DNAJC16: variants seen among roughly 807,000 people sequenced by gnomAD.
The protein encoded by DNAJC16 is DnaJ heat shock protein family (Hsp40) member C16, also known as dnaJ homolog subfamily C member 16.
Under a neutral mutation model 92.7 loss-of-function variants are expected in DNAJC16, and 76 were observed. That is an observed-to-expected ratio of 0.82 (90% CI 0.68 to 0.99). DNAJC16 has a LOEUF of 0.99. Ranked by LOEUF, DNAJC16 falls within the 50% of genes least tolerant of loss-of-function variation. The pLI, the probability that DNAJC16 is intolerant of heterozygous loss-of-function variation, is 0.00. For synonymous variants in DNAJC16, 328 were observed against 358.7 expected (o/e 0.91, Z 0.97); for missense variants, 869 against 942.4 (o/e 0.92, Z 1.02).
At chr1:15,563,860 A>AAAAG (rs58397417) in intron 9 of DNAJC16, 69 bp from the exon 10 acceptor site, 238,686 of 1,392,020 alleles carry the variant, frequency 0.17, 11,241 homozygotes, top group African/African-American at 0.4. Context: ...AAAAAAAAAA[A>AAAAG]AAAGCAAACA....
intron 9 of DNAJC16, among the ~76,000 whole-genome samples, chr1:15,563,511 A>G (rs1014821509): frequency 6.6e-6 from 1 of 151,014 alleles, no homozygotes; most frequent in Non-Finnish European, 1.5e-5. Context: ...CCTGGGAGAC[A>G]AGGGCGAAAC....
intron 11 of DNAJC16, 41 bp downstream of exon 11, chr1:15,564,400 T>C: frequency 8.2e-7 from 1 of 1,212,920 alleles, no homozygotes; most frequent in Non-Finnish European, 1.2e-6. Flanking sequence ...TCTCTGTTAA[T>C]ACTGATATCA....
chr1:15,559,389 A>G (rs1264625230), intron 7 of DNAJC16, 137 bp from the exon 8 acceptor site: 15 of 1,161,406 alleles, frequency 1.3e-5, no homozygotes, highest in Admixed American at 1.1e-4. Context: ...TATTCGCTCA[A>G]ACAGGTCTGT....
rs765366404 is a variant in DNAJC16 at position 15,536,571 on chromosome 1, C to G, written c.331C>G (p.Arg111Gly). The change falls in exon 4 of 15, where the codon CGC (arginine) becomes GGC (glycine). Residue 111 changes from arginine (R) to glycine (G), a missense_variant. Arg to Gly is a moderately radical substitution (Grantham distance 125). Transcript: ENST00000375847. ...YQKQQQQREY[R>G]FRHFHENFYF... ...GAAGCAGCAACAGCAGCGAGAGTAT[C>G]GCTTCCGCCATTTCCATGAAAATTT... 1 of 1,614,056 alleles carries G rather than the reference C, an allele frequency of 6.2e-7. No individual in the cohort carries two copies. The highest frequency in any genetic ancestry group is 8.5e-7 in the Non-Finnish European group (1 of 1,180,040).
In DNAJC16 at chr1:15,544,394, T is replaced by C. The variant is rs1638235700; in HGVS notation, c.575-5T>C. On this transcript the variant is annotated splice_polypyrimidine_tract_variant and splice_region_variant and intron_variant, in intron 4 of 14. Transcript: ENST00000375847. ...GGCTTCATTTGGATCTTCCATTCTT[T>C]TCAGGTGTAGGAATTGGCGTGGTCC... 2.5e-6 allele frequency: 4 copies of C among 1,604,362 alleles called. No individual in the cohort carries two copies. The African/African-American group carries it at 5.4e-5, about 21-fold the overall frequency.
intron 7 of DNAJC16, among the ~76,000 whole-genome samples, chr1:15,553,059 C>T (rs1422629189): frequency 2.6e-5 from 4 of 151,762 alleles, no homozygotes; most frequent in South Asian, 2.1e-4. Flanking sequence ...TGTGAGCCAC[C>T]GCGCCCGGCC....
chr1:15,546,468 G>T (rs1450321515), intron 5 of DNAJC16, among the ~76,000 whole-genome samples: 1 of 152,178 alleles, frequency 6.6e-6, no homozygotes, highest in Non-Finnish European at 1.5e-5. Context: ...AGTATATTAA[G>T]AAGTATACTC....
At position 15,559,564 on chromosome 1, in the gene DNAJC16, C is replaced by T; in HGVS notation, c.1062C>T (p.Ile354=). 2 of 1,614,158 alleles carry T rather than the reference C, an allele frequency of 1.2e-6. No homozygotes were observed. The highest frequency in any genetic ancestry group is 1.7e-6 in the Non-Finnish European group (2 of 1,180,022). ...GMKKQIIDDF[I]TRNKYLLAAR... is the part of the protein sequence containing the mutation. ...AGAAGCAAATCATTGACGACTTCAT[C>T]ACCCGAAACAAATATCTATTGGCAG... is the stretch of plus-strand genomic sequence containing the variant. Residue 354 remains isoleucine, a synonymous_variant, in exon 8 of 15, where the codon ATC becomes ATT. Coordinates refer to ENST00000375847, the MANE Select transcript of DNAJC16 (RefSeq NM_015291.4).
intron 6 of DNAJC16, among the ~76,000 whole-genome samples, chr1:15,547,788 A>G (rs1250812287): frequency 6.6e-6 from 1 of 152,102 alleles, no homozygotes; most frequent in African/African-American, 2.4e-5. Context: ...TAGAGCAGTC[A>G]TATAACCCAC....
chr1:15,555,991 CA>C (rs750409441), intron 7 of DNAJC16, among the ~76,000 whole-genome samples: 147 of 92,736 alleles, frequency 1.6e-3, no homozygotes, highest in Admixed American at 2.1e-3. Context: ...AACTCCATCT[CA>C]AAAAAAAAAA....
chr1:15,545,527 C>T (rs1638280582), intron 5 of DNAJC16, among the ~76,000 whole-genome samples: 2 of 152,152 alleles, frequency 1.3e-5, no homozygotes, highest in Non-Finnish European at 1.5e-5. Context: ...ATGTTGGAGC[C>T]CATCGTAATG....
intron 4 of DNAJC16, among the ~76,000 whole-genome samples, chr1:15,541,359 T>C (rs759203793): frequency 6.6e-6 from 1 of 152,324 alleles, no homozygotes; most frequent in East Asian, 1.9e-4. Context: ...CAGTGTGATA[T>C]AGTATACTGT....
intron 8 of DNAJC16, among the ~76,000 whole-genome samples, chr1:15,560,767 C>T (rs1255658591): frequency 6.6e-6 from 1 of 152,122 alleles, no homozygotes; most frequent in Non-Finnish European, 1.5e-5. Context: ...CCCAAATCCA[C>T]ACACTTCTCA....
rs377498367 is a variant in DNAJC16 at position 15,569,631 on chromosome 1, C to CTTTTTTTTTT, written c.*1464_*1473dup. ...GTGATGGGACATTTACTAAGTATTT[C>CTTTTTTTTTT]TTTTTTTTTTTTTTTTTTTAGTTGT... On this transcript the variant is annotated 3_prime_UTR_variant, in exon 15 of 15. Transcript: ENST00000375847. 1.1e-4 allele frequency: 14 copies of CTTTTTTTTTT among 126,768 alleles called. No homozygotes were observed. The highest frequency in any genetic ancestry group is 1.2e-4 in the African/African-American group (4 of 33,906). 7.9% of individuals were successfully genotyped at this position (126,768 alleles called of 1,614,324 possible).
intron 4 of DNAJC16, among the ~76,000 whole-genome samples, chr1:15,541,505 A>G (rs1052505175): frequency 4.6e-5 from 7 of 152,200 alleles, no homozygotes; most frequent in African/African-American, 1.7e-4. Flanking sequence ...AGCGGACTAT[A>G]CAATTCCTAA....
Position 15,571,099 on chromosome 1 carries a change from G to A in DNAJC16, c.*2922G>A, listed in dbSNP as rs1247958680. Reference sequence around the variant, plus strand: ...TCAGCTCCAACTAAACAACATTTCAGTGGGTGAGGCTGCCCTAACTTCCAT... The same window carrying A: ...TCAGCTCCAACTAAACAACATTTCAATGGGTGAGGCTGCCCTAACTTCCAT... On this transcript the variant is annotated 3_prime_UTR_variant, in exon 15 of 15. Coordinates refer to ENST00000375847, the MANE Select transcript of DNAJC16 (RefSeq NM_015291.4). 1 of 152,000 alleles carries A rather than the reference G, an allele frequency of 6.6e-6. No individual in the cohort carries two copies. The highest frequency in any genetic ancestry group is 2.4e-5 in the African/African-American group (1 of 41,378). 9.4% of individuals were successfully genotyped at this position (152,000 alleles called of 1,614,324 possible).
rs753721066 is a variant in DNAJC16, at chr1:15,544,504, CCTT to C, written c.685_687del (p.Phe229del). ...CTAGGAATCATTAACGGGAAAATCT[CCTT>C]CTTCCACAATGCAGTTGTCCGTGAA... On this transcript the variant is annotated inframe_deletion, in exon 5 of 15. Transcript: ENST00000375847. 8.7e-6 allele frequency: 14 copies of C among 1,614,036 alleles called. No homozygotes were observed. The highest frequency in any genetic ancestry group is 3.3e-5 in the Admixed American group (2 of 59,988).
At chr1:15,528,257 AC>A (rs1186384523) in intron 1 of DNAJC16, among the ~76,000 whole-genome samples, 2 of 152,182 alleles carry the variant, frequency 1.3e-5, no homozygotes, top group East Asian at 3.8e-4. Context: ...ACATGGTGAA[AC>A]CCTGTCTCTA....
In DNAJC16 at chr1:15,554,848, G is replaced by T. The variant is rs181462509; in HGVS notation, c.1024-4678G>T. Among the ~76,000 whole-genome samples the T allele has an allele frequency of 1.8e-4, 27 of 152,216 alleles. No homozygotes were observed. In the East Asian group the frequency reaches 5.0e-3, roughly 28 times the overall value. On this transcript the variant is annotated intron_variant, in intron 7 of 14. Transcript: ENST00000375847. ...ATACCTTCATGATCTTGATATAGGG[G>T]AAGTATGTCTTAAAGTGATTCTATC...
Sources: allele counts gnomAD v4.1 joint callset (sites outside exome capture counted in the v4.1 genomes callset), GRCh38; gene constraint gnomAD v4.1.1; transcripts MANE v1.5; gene names NCBI Gene and HGNC (gene_info 2026-07-23, HGNC 2026-07-21).